Variants in RCAN2 observed in about 807,000 individuals in gnomAD.
The protein encoded by RCAN2 is calcipressin-2.
In RCAN2, 9 loss-of-function variants were observed where a neutral mutation model predicts 23.6. That is an observed-to-expected ratio of 0.38 (90% CI 0.23 to 0.67). RCAN2 has a LOEUF of 0.67. Among genes scored for constraint, RCAN2 ranks in the 30% least tolerant of loss-of-function variants. RCAN2 has a pLI of 0.51. For synonymous variants in RCAN2, 109 were observed against 115.7 expected, an observed-to-expected ratio of 0.94 and a Z score of 0.37; for missense variants, 273 against 302.3, an observed-to-expected ratio of 0.90 and a Z score of 0.72.
intron 2 of RCAN2, among the ~76,000 whole-genome samples, chr6:46,301,968 C>T: frequency 6.6e-6 from 1 of 151,996 alleles, no homozygotes; most frequent in East Asian, 1.9e-4. Flanking sequence ...GTAACATAAC[C>T]CAATTTGTGC....
chr6:46,369,826 C>A (rs572312365), intron 2 of RCAN2, among the ~76,000 whole-genome samples: 1 of 152,292 alleles, frequency 6.6e-6, no homozygotes, highest in Non-Finnish European at 1.5e-5. Context: ...TATTTCCTAA[C>A]GACAAGAGCA....
intron 2 of RCAN2, among the ~76,000 whole-genome samples, chr6:46,449,188 A>G (rs1467711227): frequency 1.3e-5 from 2 of 151,800 alleles, no homozygotes; most frequent in African/African-American, 4.8e-5. Flanking sequence ...CTAACAAGGA[A>G]CTATCTGAAA....
At chr6:46,308,353 A>C (rs930499321) in intron 2 of RCAN2, among the ~76,000 whole-genome samples, 1 of 152,192 alleles carries the variant, frequency 6.6e-6, no homozygotes, top group African/African-American at 2.4e-5. Flanking sequence ...AATTATTGAG[A>C]TCTTTCACCA....
At position 46,314,647 on chromosome 6, in the gene RCAN2, C is replaced by T. The variant is rs140773862; in HGVS notation, c.226-65751G>A. ...TTACAATTATAGTTAAGCATTACTG[C>T]GGTGAAACAAGTCCATAACTCCATG... is the stretch of plus-strand genomic sequence containing the variant. On this transcript the variant is annotated intron_variant, in intron 2 of 4. Coordinates refer to ENST00000371374, the MANE Select transcript of RCAN2 (RefSeq NM_001251974.2). Among the ~76,000 whole-genome samples, 56 of 152,262 alleles carry T rather than the reference C, an allele frequency of 3.7e-4. No homozygotes were observed. In the East Asian group the frequency reaches 7.5e-3, roughly 20 times the overall value.
intron 2 of RCAN2, among the ~76,000 whole-genome samples, chr6:46,386,081 G>A (rs1028731052): frequency 6.6e-6 from 1 of 152,002 alleles, no homozygotes; most frequent in Non-Finnish European, 1.5e-5. Context: ...AGTCGAGCAG[G>A]CAACCTAGAG....
intron 2 of RCAN2, among the ~76,000 whole-genome samples, chr6:46,305,926 T>C (rs1054443540): frequency 2.0e-5 from 3 of 151,982 alleles, no homozygotes; most frequent in African/African-American, 4.8e-5. Context: ...ACCTTTTTTT[T>C]TTTTTTTCAT....
intron 1 of RCAN2, among the ~76,000 whole-genome samples, chr6:46,474,428 G>A (rs560343181): frequency 1.1e-4 from 16 of 152,184 alleles, no homozygotes; most frequent in African/African-American, 3.9e-4. Flanking sequence ...CAGCAATGAG[G>A]AATATTCTTG....
chr6:46,295,564 G>C (rs1370901901), intron 2 of RCAN2, among the ~76,000 whole-genome samples: 1 of 152,150 alleles, frequency 6.6e-6, no homozygotes, highest in Non-Finnish European at 1.5e-5. Flanking sequence ...AGAATGCAAA[G>C]TGTCTACCAG....
At chr6:46,300,972 T>C (rs942539324) in intron 2 of RCAN2, among the ~76,000 whole-genome samples, 8 of 149,344 alleles carry the variant, frequency 5.4e-5, no homozygotes, top group African/African-American at 1.7e-4. Flanking sequence ...TCTTTTGTCA[T>C]TTTTTTTTTA....
chr6:46,478,643 C>A (rs186559662), intron 1 of RCAN2, among the ~76,000 whole-genome samples: 20 of 152,260 alleles, frequency 1.3e-4, no homozygotes, highest in Admixed American at 4.6e-4. Flanking sequence ...CAAAGTCTTA[C>A]TGGAAATTCG....
chr6:46,286,003 C>T (rs1385538771), intron 2 of RCAN2, among the ~76,000 whole-genome samples: 4 of 152,204 alleles, frequency 2.6e-5, no homozygotes, highest in Non-Finnish European at 5.9e-5. Flanking sequence ...CTGCATGAAG[C>T]TCCTGGCCAA....
intron 2 of RCAN2, among the ~76,000 whole-genome samples, chr6:46,453,099 A>C (rs1361587302): frequency 1.3e-5 from 2 of 152,166 alleles, no homozygotes; most frequent in East Asian, 3.9e-4. Flanking sequence ...AGCTCAAAGG[A>C]CAACCTTCCT....
intron 2 of RCAN2, among the ~76,000 whole-genome samples, chr6:46,333,397 T>C (rs1764046229): frequency 6.6e-6 from 1 of 152,232 alleles, no homozygotes. Flanking sequence ...AGTATTCAAC[T>C]ATTTGGATTT....
intron 4 of RCAN2, among the ~76,000 whole-genome samples, chr6:46,230,074 C>T (rs984365094): frequency 1.4e-4 from 22 of 152,302 alleles, no homozygotes; most frequent in Admixed American, 2.6e-4. Context: ...GTATCACCAG[C>T]GGAGGCTGCA....
intron 4 of RCAN2, among the ~76,000 whole-genome samples, chr6:46,235,866 A>G (rs937632667): frequency 6.6e-6 from 1 of 152,218 alleles, no homozygotes; most frequent in Non-Finnish European, 1.5e-5. Flanking sequence ...TGCCAGAATA[A>G]GCCACCTAAG....
rs529567439 is a variant in RCAN2 at position 46,354,574 on chromosome 6, T to C, written c.225+102178A>G. Among the ~76,000 whole-genome samples, 409 of 152,340 alleles carry C rather than the reference T, an allele frequency of 2.7e-3. 2 individuals carry two copies. The highest frequency in any genetic ancestry group is 9.5e-3 in the African/African-American group (393 of 41,576). On this transcript the variant is annotated intron_variant, in intron 2 of 4. Coordinates refer to ENST00000371374, the MANE Select transcript of RCAN2 (RefSeq NM_001251974.2). ...TTCAAAATGAGAAGTTAAAAAAATATTGATGCACAGATCATACTCTGGACC... is the reference window on the plus strand; with the variant it reads ...TTCAAAATGAGAAGTTAAAAAAATACTGATGCACAGATCATACTCTGGACC...
chr6:46,420,783 G>GT (rs1420223655), intron 2 of RCAN2, among the ~76,000 whole-genome samples: 1 of 152,046 alleles, frequency 6.6e-6, no homozygotes, highest in Non-Finnish European at 1.5e-5. Flanking sequence ...TTGACCTCAG[G>GT]TAATCTGCCC....
chr6:46,418,377 T>A (rs1766770579), intron 2 of RCAN2, among the ~76,000 whole-genome samples: 1 of 152,214 alleles, frequency 6.6e-6, no homozygotes, highest in South Asian at 2.1e-4. Flanking sequence ...TCATTAAAGC[T>A]GCCACTTTTT....
At chr6:46,442,127 C>A (rs1767565626) in intron 2 of RCAN2, among the ~76,000 whole-genome samples, 1 of 152,178 alleles carries the variant, frequency 6.6e-6, no homozygotes, top group Non-Finnish European at 1.5e-5. Flanking sequence ...CAGGGTGAAG[C>A]CCATGACATC....
Sources: allele counts gnomAD v4.1 joint callset (sites outside exome capture counted in the v4.1 genomes callset), GRCh38; gene constraint gnomAD v4.1.1; transcripts MANE v1.5; gene names NCBI Gene and HGNC (gene_info 2026-07-23, HGNC 2026-07-21).